Variants in CPQ observed in about 807,000 individuals in gnomAD.
The protein encoded by CPQ is carboxypeptidase Q.
In CPQ, 37 loss-of-function variants were observed where a neutral mutation model predicts 45.7. The observed-to-expected ratio is 0.81, with a 90% CI of 0.62 to 1.07. The LOEUF (loss-of-function observed/expected upper bound fraction) is 1.07. Ranked by LOEUF, CPQ falls within the 50% of genes least tolerant of loss-of-function variation. The pLI is 0.00. For missense variants in CPQ, 537 were observed against 572.9 expected (o/e 0.94, Z 0.64); for synonymous variants, 186 against 205.8 (o/e 0.90, Z 0.82).
intron 4 of CPQ, among the ~76,000 whole-genome samples, chr8:96,936,891 A>G (rs1313506330): frequency 6.6e-6 from 1 of 152,144 alleles, no homozygotes; most frequent in Non-Finnish European, 1.5e-5. Flanking sequence ...AAAAGTCATT[A>G]GAGGAGATAA....
chr8:96,951,184 T>C (rs1813259297), intron 4 of CPQ, among the ~76,000 whole-genome samples: 1 of 152,128 alleles, frequency 6.6e-6, no homozygotes, highest in Non-Finnish European at 1.5e-5. Flanking sequence ...TGCCTTTTCT[T>C]CTCCATTCCC....
intron 3 of CPQ, among the ~76,000 whole-genome samples, chr8:96,851,310 A>G (rs1811768150): frequency 6.6e-6 from 1 of 152,224 alleles, no homozygotes; most frequent in Admixed American, 6.5e-5. Context: ...AGACCAAACA[A>G]TGTATTCCAA....
chr8:96,724,380 A>G lies in CPQ; in HGVS notation c.-34-60484A>G, dbSNP rs375297983. On this transcript the variant is annotated intron_variant, in intron 1 of 7. Coordinates refer to ENST00000220763, the MANE Select transcript of CPQ (RefSeq NM_016134.4). ...AAACTCATATTGAAATTTAATCCCCAATGTGGTGGTATTTAGAGGTGGGGC... is the reference window on the plus strand; with the variant it reads ...AAACTCATATTGAAATTTAATCCCCGATGTGGTGGTATTTAGAGGTGGGGC... Among the ~76,000 whole-genome samples, 69 of 152,142 alleles carry G rather than the reference A, an allele frequency of 4.5e-4. 1 individual carries two copies. Among genetic ancestry groups the G allele is most frequent in the African/African-American group, 1.7e-3 (69 of 41,518 alleles).
chr8:96,979,584 T>C (rs997877870), intron 5 of CPQ, among the ~76,000 whole-genome samples: 3 of 152,174 alleles, frequency 2.0e-5, no homozygotes, highest in Admixed American at 1.3e-4. Context: ...TGAATTTTGT[T>C]CCAGTAAACT....
chr8:96,872,742 A>C (rs1036794595), intron 3 of CPQ, among the ~76,000 whole-genome samples: 1 of 151,914 alleles, frequency 6.6e-6, no homozygotes, highest in East Asian at 1.9e-4. Context: ...ATTAAATTGG[A>C]AAGGAAACAA....
At chr8:96,909,401 C>T (rs1041597533) in intron 4 of CPQ, among the ~76,000 whole-genome samples, 2 of 152,136 alleles carry the variant, frequency 1.3e-5, no homozygotes, top group African/African-American at 4.8e-5. Flanking sequence ...TAACACAAGG[C>T]AGCCTTCCTC....
At chr8:96,771,147 A>G (rs1207166651) in intron 1 of CPQ, among the ~76,000 whole-genome samples, 1 of 148,044 alleles carries the variant, frequency 6.8e-6, no homozygotes, top group Non-Finnish European at 1.5e-5. Context: ...ATATATAAAT[A>G]TATAAAACAT....
intron 1 of CPQ, among the ~76,000 whole-genome samples, chr8:96,684,030 A>G (rs1293682297): frequency 6.6e-6 from 1 of 151,972 alleles, no homozygotes; most frequent in African/African-American, 2.4e-5. Context: ...TTTTTTAGGC[A>G]TTTTATAAAT....
chr8:96,944,002 G>A (rs1474162848), intron 4 of CPQ, among the ~76,000 whole-genome samples: 2 of 152,070 alleles, frequency 1.3e-5, no homozygotes, highest in Non-Finnish European at 2.9e-5. Context: ...TCTCTGGCAT[G>A]GTCAAGAAGT....
intron 1 of CPQ, among the ~76,000 whole-genome samples, chr8:96,718,600 A>C (rs1216925208): frequency 6.6e-6 from 1 of 152,232 alleles, no homozygotes; most frequent in East Asian, 1.9e-4. Flanking sequence ...GAAAGAACAA[A>C]GCTTCCACAG....
intron 4 of CPQ, among the ~76,000 whole-genome samples, chr8:96,928,856 T>A (rs1812930856): frequency 6.6e-6 from 1 of 152,186 alleles, no homozygotes; most frequent in African/African-American, 2.4e-5. Context: ...AATAATTTGT[T>A]TGGATTCGGG....
intron 1 of CPQ, among the ~76,000 whole-genome samples, chr8:96,777,739 TATATATATATATATATATATA>T (rs1309318312): frequency 2.3e-4 from 2 of 8,552 alleles, no homozygotes; most frequent in African/African-American, 8.2e-4. Flanking sequence ...TATATATATA[TATATATATATATATATATATA>T]TTTTTTTTTT....
At chr8:96,978,992 A>T (rs1813837259) in intron 5 of CPQ, among the ~76,000 whole-genome samples, 1 of 152,170 alleles carries the variant, frequency 6.6e-6, no homozygotes, top group African/African-American at 2.4e-5. Context: ...TAGTCAGGCA[A>T]CAATGGCTTC....
intron 1 of CPQ, among the ~76,000 whole-genome samples, chr8:96,695,498 C>T (rs557957897): frequency 0.023 from 3,547 of 151,932 alleles, 147 homozygotes; most frequent in African/African-American, 0.081. Flanking sequence ...TCAGAGTGAA[C>T]AGGCAACCTA....
At chr8:97,067,038 T>A (rs2130530265) in intron 7 of CPQ, among the ~76,000 whole-genome samples, 1 of 149,716 alleles carries the variant, frequency 6.7e-6, no homozygotes, top group South Asian at 2.2e-4. Context: ...GCAATCTTCC[T>A]GTCTCAGCCT....
At chr8:96,735,779 G>GT (rs1179325520) in intron 1 of CPQ, among the ~76,000 whole-genome samples, 2 of 151,958 alleles carry the variant, frequency 1.3e-5, no homozygotes. Flanking sequence ...CTTCTTTCAG[G>GT]TGCCTGCCCA....
intron 7 of CPQ, among the ~76,000 whole-genome samples, chr8:97,086,842 C>T (rs1316646613): frequency 6.6e-6 from 1 of 152,088 alleles, no homozygotes; most frequent in Non-Finnish European, 1.5e-5. Flanking sequence ...ATTTATGGTA[C>T]CTAAATCAAG....
chr8:96,765,544 TA>T (rs1038918016), intron 1 of CPQ, among the ~76,000 whole-genome samples: 2 of 152,220 alleles, frequency 1.3e-5, no homozygotes, highest in East Asian at 1.9e-4. Flanking sequence ...ATTTCAGCCT[TA>T]TTTATTTTCA....
intron 4 of CPQ, among the ~76,000 whole-genome samples, chr8:96,926,581 C>CTTCTTCTTCTTCTTCTTCTTCTTA (rs57374182): frequency 4.5e-5 from 6 of 133,388 alleles, no homozygotes; most frequent in African/African-American, 1.8e-4. Flanking sequence ...TCTTCCTCTT[C>CTTCTTCTTCTTCTTCTTCTTCTTA]TTCTTCTTCT....
Sources: allele counts gnomAD v4.1 joint callset (sites outside exome capture counted in the v4.1 genomes callset), GRCh38; gene constraint gnomAD v4.1.1; transcripts MANE v1.5; gene names NCBI Gene and HGNC (gene_info 2026-07-23, HGNC 2026-07-21).